The following KHDRBS3 variants were observed in gnomAD, a reference collection of about 807,000 sequenced individuals.
KHDRBS3 encodes the protein KH domain-containing, RNA-binding, signal transduction-associated protein 3.
In KHDRBS3, 23 loss-of-function variants were observed where a neutral mutation model predicts 45.6. That is an observed-to-expected ratio of 0.50 (90% CI 0.36 to 0.72). The LOEUF (loss-of-function observed/expected upper bound fraction) is 0.72. Ranked by LOEUF, KHDRBS3 falls within the 30% of genes least tolerant of loss-of-function variation. The pLI is 0.00. For missense variants in KHDRBS3, 352 were observed against 424.8 expected, an observed-to-expected ratio of 0.83 and a Z score of 1.51; for synonymous variants, 162 against 156.5, an observed-to-expected ratio of 1.04 and a Z score of -0.26.
intron 7 of KHDRBS3, among the ~76,000 whole-genome samples, chr8:135,623,577 T>A (rs1240147620): frequency 1.3e-5 from 2 of 152,096 alleles, no homozygotes; most frequent in Non-Finnish European, 2.9e-5. Context: ...ACTTTTTTTT[T>A]TTTTCTCTCT....
At chr8:135,494,701 A>G (rs1178164937) in intron 1 of KHDRBS3, among the ~76,000 whole-genome samples, 1 of 152,192 alleles carries the variant, frequency 6.6e-6, no homozygotes. Flanking sequence ...CTTCCTCCAG[A>G]GGCAGATAAC....
intron 2 of KHDRBS3, among the ~76,000 whole-genome samples, chr8:135,534,917 C>G (rs1407521879): frequency 3.3e-5 from 5 of 152,280 alleles, no homozygotes; most frequent in African/African-American, 9.6e-5. Flanking sequence ...GCTTAAGATA[C>G]TCAGGTGAAG....
At chr8:135,500,209 A>T (rs1307009803) in intron 1 of KHDRBS3, among the ~76,000 whole-genome samples, 1 of 152,174 alleles carries the variant, frequency 6.6e-6, no homozygotes, top group African/African-American at 2.4e-5. Flanking sequence ...CAGTGAGAGA[A>T]AATTCAGTTC....
intron 3 of KHDRBS3, among the ~76,000 whole-genome samples, chr8:135,548,167 C>G (rs1826403534): frequency 6.6e-6 from 1 of 152,100 alleles, no homozygotes; most frequent in African/African-American, 2.4e-5. Flanking sequence ...TTCAACGAAT[C>G]TTTGTTGAAC....
At chr8:135,526,101 C>T (rs1490161309) in intron 2 of KHDRBS3, among the ~76,000 whole-genome samples, 6 of 151,962 alleles carry the variant, frequency 3.9e-5, no homozygotes, top group Non-Finnish European at 8.8e-5. Context: ...TAGGCTATAC[C>T]ATATAGCCTA....
chr8:135,651,389 G>C (rs1831425370), downstream of KHDRBS3, among the ~76,000 whole-genome samples: 1 of 151,718 alleles, frequency 6.6e-6, no homozygotes, highest in African/African-American at 2.4e-5. Flanking sequence ...ACAAATAAAG[G>C]TGTTCACTCA....
At chr8:135,519,960 T>A (rs951593510) in intron 1 of KHDRBS3, among the ~76,000 whole-genome samples, 1 of 152,188 alleles carries the variant, frequency 6.6e-6, no homozygotes, top group African/African-American at 2.4e-5. Flanking sequence ...AAAATCTTTC[T>A]TACTTGTTTT....
intron 7 of KHDRBS3, chr8:135,625,970 G>A (rs574687398): frequency 1.4e-5 from 11 of 783,234 alleles, no homozygotes; most frequent in African/African-American, 6.7e-5. Flanking sequence ...TTGAGTATAC[G>A]TTCACTGCCA....
intron 7 of KHDRBS3, among the ~76,000 whole-genome samples, chr8:135,619,592 T>TA (rs751985589): frequency 6.6e-6 from 1 of 152,226 alleles, no homozygotes. Flanking sequence ...GGGGTTGTTG[T>TA]AAAGTTAAGC....
chr8:135,553,354 G>A (rs1214554201), intron 4 of KHDRBS3, among the ~76,000 whole-genome samples: 2 of 151,968 alleles, frequency 1.3e-5, no homozygotes, highest in Non-Finnish European at 2.9e-5. Context: ...TGCTTTTTAT[G>A]GGGGAGGCTT....
chr8:135,486,426 G>C (rs373655514), intron 1 of KHDRBS3, among the ~76,000 whole-genome samples: 4 of 152,142 alleles, frequency 2.6e-5, no homozygotes, highest in Admixed American at 6.5e-5. Context: ...TCCAGTTCTT[G>C]GATAAAGGGG....
intron 2 of KHDRBS3, chr8:135,541,179 CAATA>C (rs1199278478): frequency 2.0e-5 from 3 of 152,046 alleles, no homozygotes; most frequent in Non-Finnish European, 4.4e-5. Context: ...GAGACACAAA[CAATA>C]AAAGAGAAAT....
chr8:135,646,235 C>G (rs764393367), intron 8 of KHDRBS3, among the ~76,000 whole-genome samples: 13 of 151,986 alleles, frequency 8.6e-5, no homozygotes, highest in Non-Finnish European at 1.8e-4. Flanking sequence ...GGGATGTTAA[C>G]TGTTTGATGT....
At chr8:135,525,181 C>T (rs1314948326) in intron 2 of KHDRBS3, among the ~76,000 whole-genome samples, 3 of 152,150 alleles carry the variant, frequency 2.0e-5, no homozygotes, top group Non-Finnish European at 4.4e-5. Context: ...TTTGTTTTAG[C>T]AGCTAATTAA....
intron 6 of KHDRBS3, among the ~76,000 whole-genome samples, chr8:135,582,611 T>C (rs1257406500): frequency 6.6e-6 from 1 of 152,216 alleles, no homozygotes; most frequent in Non-Finnish European, 1.5e-5. Context: ...TGACTTAACG[T>C]AAGAGAGAAT....
intron 6 of KHDRBS3, among the ~76,000 whole-genome samples, chr8:135,583,138 T>C (rs1477447089): frequency 6.6e-6 from 1 of 152,216 alleles, no homozygotes; most frequent in African/African-American, 2.4e-5. Context: ...ATAGCTAACC[T>C]GTTGAGCATT....
At chr8:135,476,493 G>A (rs1327907942) in intron 1 of KHDRBS3, among the ~76,000 whole-genome samples, 1 of 152,118 alleles carries the variant, frequency 6.6e-6, no homozygotes, top group Non-Finnish European at 1.5e-5. Flanking sequence ...TGCTGCATTT[G>A]TTTTTCCCCC....
At chr8:135,640,384 GA>G (rs1478968798) in intron 7 of KHDRBS3, among the ~76,000 whole-genome samples, 1 of 152,136 alleles carries the variant, frequency 6.6e-6, no homozygotes, top group African/African-American at 2.4e-5. Context: ...ATGACCTGGG[GA>G]AGGTCGACTT....
At chr8:135,466,901 CTG>C (rs1167086489) in intron 1 of KHDRBS3, among the ~76,000 whole-genome samples, 1 of 152,238 alleles carries the variant, frequency 6.6e-6, no homozygotes, top group Non-Finnish European at 1.5e-5. Context: ...CTTTACCTCA[CTG>C]AGCCTCTATT....
Sources: gnomAD v4.1 joint callset for allele counts (sites outside exome capture counted in the v4.1 genomes callset) on GRCh38, gnomAD v4.1.1 for gene constraint, MANE v1.5 for transcripts, NCBI Gene and HGNC (gene_info 2026-07-23, HGNC 2026-07-21) for gene names.